The following SLC6A11 variants were observed in gnomAD, a reference collection of about 807,000 sequenced individuals.
SLC6A11 encodes solute carrier family 6 member 11.
A neutral mutation model predicts 74.8 loss-of-function variants in SLC6A11; 25 were observed. The observed-to-expected ratio is 0.33, with a 90% CI of 0.24 to 0.47. The LOEUF is 0.47. Ranked by LOEUF, SLC6A11 falls within the 20% of genes least tolerant of loss-of-function variation. The pLI, the probability that SLC6A11 is intolerant of heterozygous loss-of-function variation, is 1.00. For missense variants in SLC6A11, 574 were observed against 837.0 expected, an observed-to-expected ratio of 0.69 and a Z score of 3.88; for synonymous variants, 330 against 330.2, an observed-to-expected ratio of 1.00 and a Z score of 0.01.
At chr3:10,822,295 G>T (rs1429188026) in intron 3 of SLC6A11, among the ~76,000 whole-genome samples, 1 of 152,232 alleles carries the variant, frequency 6.6e-6, no homozygotes, top group Non-Finnish European at 1.5e-5. Context: ...GATACAGGAG[G>T]CCTTGCCCTT....
At chr3:10,818,094 AG>A (rs1447504350) in intron 1 of SLC6A11, among the ~76,000 whole-genome samples, 1 of 149,256 alleles carries the variant, frequency 6.7e-6, no homozygotes, top group Non-Finnish European at 1.5e-5. Context: ...TTAAAAAAAA[AG>A]GTTGTAGTGA....
At chr3:10,916,334 A>G (rs1274100328) in intron 7 of SLC6A11, among the ~76,000 whole-genome samples, 1 of 152,184 alleles carries the variant, frequency 6.6e-6, no homozygotes, top group Non-Finnish European at 1.5e-5. Flanking sequence ...TCAGTCATCC[A>G]TGGCCACAAT....
chr3:10,863,344 T>TA (rs1694725294), intron 5 of SLC6A11, among the ~76,000 whole-genome samples: 1 of 152,194 alleles, frequency 6.6e-6, no homozygotes, highest in Admixed American at 6.5e-5. Flanking sequence ...TCCTTACATC[T>TA]ACCAAGAGAG....
chr3:10,857,120 G>A (rs2106592470), intron 5 of SLC6A11, among the ~76,000 whole-genome samples: 1 of 152,322 alleles, frequency 6.6e-6, no homozygotes, highest in Non-Finnish European at 1.5e-5. Flanking sequence ...TGGAGTAAGT[G>A]TTGTCAAATC....
chr3:10,818,256 C>T (rs1694090578), intron 1 of SLC6A11, among the ~76,000 whole-genome samples: 1 of 151,280 alleles, frequency 6.6e-6, no homozygotes, highest in African/African-American at 2.4e-5. Context: ...AAGTGTCATA[C>T]GTTAGATTCT....
chr3:10,900,157 A>G (rs1159034312), intron 6 of SLC6A11, among the ~76,000 whole-genome samples: 1 of 152,188 alleles, frequency 6.6e-6, no homozygotes, highest in Non-Finnish European at 1.5e-5. Context: ...CTAGGAGAAA[A>G]TAATGAACTT....
intron 12 of SLC6A11, 37 bp from the exon 13 acceptor site, chr3:10,934,992 G>A (rs1353001039): frequency 1.9e-6 from 3 of 1,588,986 alleles, no homozygotes; most frequent in Non-Finnish European, 2.6e-6. Flanking sequence ...AGGGCTGAGG[G>A]CCCATCCCCC....
intron 6 of SLC6A11, among the ~76,000 whole-genome samples, chr3:10,903,617 C>A (rs2655280): frequency 2.6e-5 from 4 of 152,058 alleles, no homozygotes; most frequent in African/African-American, 9.7e-5. Context: ...GCTTATGGTG[C>A]GGGGAAGAGG....
chr3:10,928,044 C>T (rs1249663785), intron 9 of SLC6A11, among the ~76,000 whole-genome samples: 4 of 152,212 alleles, frequency 2.6e-5, no homozygotes, highest in Non-Finnish European at 4.4e-5. Flanking sequence ...TTACTCCCTC[C>T]TCTGTGCTTC....
At chr3:10,888,420 T>C (rs889270073) in intron 6 of SLC6A11, among the ~76,000 whole-genome samples, 7 of 152,170 alleles carry the variant, frequency 4.6e-5, no homozygotes, top group Non-Finnish European at 8.8e-5. Context: ...TGGAGAAGGC[T>C]TTGCAATGTC....
Position 10,893,717 on chromosome 3 carries a change from G to C in SLC6A11, c.892-18373G>C, listed in dbSNP as rs148361820. Among the ~76,000 whole-genome samples the C allele has an allele frequency of 5.9e-5, 9 of 152,224 alleles. No individual in the cohort carries two copies. In the East Asian group the frequency reaches 1.6e-3, roughly 26 times the overall value. On this transcript the variant is annotated intron_variant, in intron 6 of 13. Coordinates refer to ENST00000254488, the MANE Select transcript of SLC6A11 (RefSeq NM_014229.3). ...ACGAGAGTATTCCTTCTGCTGTCTT[G>C]TGGGTTGGTTCTACCTGCACATGCC...
chr3:10,824,667 T>G (rs1022326860), intron 4 of SLC6A11: 1 of 152,210 alleles, frequency 6.6e-6, no homozygotes, highest in African/African-American at 2.4e-5. Context: ...TAGCTTTGGT[T>G]CTTTCATTTT....
At chr3:10,831,015 A>C (rs1354106251) in intron 4 of SLC6A11, among the ~76,000 whole-genome samples, 1 of 152,138 alleles carries the variant, frequency 6.6e-6, no homozygotes, top group Non-Finnish European at 1.5e-5. Flanking sequence ...CACTCTTGCC[A>C]TGCTTGGCCA....
At chr3:10,894,579 T>G (rs1004231815) in intron 6 of SLC6A11, among the ~76,000 whole-genome samples, 7 of 152,214 alleles carry the variant, frequency 4.6e-5, no homozygotes, top group Admixed American at 4.6e-4. Context: ...ATCCTGTATG[T>G]AGAATCTAGA....
chr3:10,896,762 T>A (rs1242574936), intron 6 of SLC6A11, among the ~76,000 whole-genome samples: 1 of 152,180 alleles, frequency 6.6e-6, no homozygotes, highest in Middle Eastern at 3.2e-3. Flanking sequence ...ATAGTCTCCA[T>A]GTGCTCTACA....
chr3:10,842,662 T>C (rs1327377060), intron 4 of SLC6A11, among the ~76,000 whole-genome samples: 1 of 152,044 alleles, frequency 6.6e-6, no homozygotes, highest in African/African-American at 2.4e-5. Context: ...GCAAGGGCCA[T>C]ATGATGCTTA....
At position 10,856,556 on chromosome 3, in the gene SLC6A11, T is replaced by A. The variant is rs529861574; in HGVS notation, c.756+12210T>A. ...AGTGATGTGCACAGGGTCACACAGTTGGTGGAGGAGTCAGGATTTAAACCC... is the reference window on the plus strand; with the variant it reads ...AGTGATGTGCACAGGGTCACACAGTAGGTGGAGGAGTCAGGATTTAAACCC... On this transcript the variant is annotated intron_variant, in intron 5 of 13. Transcript: ENST00000254488. 4.6e-5 allele frequency among the ~76,000 whole-genome samples: 7 copies of A among 152,178 alleles called. No individual in the cohort carries two copies. The South Asian group carries it at 1.5e-3, about 32-fold the overall frequency.
At chr3:10,923,250 T>TA (rs34205263) in intron 8 of SLC6A11, among the ~76,000 whole-genome samples, 56,947 of 142,322 alleles carry the variant, frequency 0.4, 11,493 homozygotes, top group Non-Finnish European at 0.47. Context: ...ATTCTTCAAT[T>TA]AAAAAAAAAA....
At chr3:10,817,084 G>T (rs951016972) in intron 1 of SLC6A11, among the ~76,000 whole-genome samples, 1 of 152,164 alleles carries the variant, frequency 6.6e-6, no homozygotes, top group East Asian at 1.9e-4. Context: ...TGATGTCAAA[G>T]GCCCTATTTT....
Sources: allele counts gnomAD v4.1 joint callset (sites outside exome capture counted in the v4.1 genomes callset), GRCh38; gene constraint gnomAD v4.1.1; transcripts MANE v1.5; gene names NCBI Gene and HGNC (gene_info 2026-07-23, HGNC 2026-07-21).